Variants in CCDC92 observed in about 807,000 individuals in gnomAD.
CCDC92 encodes coiled-coil domain-containing protein 92.
In CCDC92, 12 loss-of-function variants were observed where a neutral mutation model predicts 24.9. That is an observed-to-expected ratio of 0.48 (90% CI 0.31 to 0.78). The LOEUF (loss-of-function observed/expected upper bound fraction) is 0.78. CCDC92 is among the 30% of genes least tolerant of loss of function. The pLI, the probability that CCDC92 is intolerant of heterozygous loss-of-function variation, is 0.05. For synonymous variants in CCDC92, 193 were observed against 196.3 expected (o/e 0.98, Z 0.14); for missense variants, 399 against 439.4 (o/e 0.91, Z 0.82).
chr12:123,970,792 T>G (rs970358898), intron 1 of CCDC92, among the ~76,000 whole-genome samples: 21 of 152,244 alleles, frequency 1.4e-4, no homozygotes, highest in Non-Finnish European at 8.8e-5. Flanking sequence ...TTCCATGACT[T>G]TTCTTGCCAG....
rs946234394 is a variant in CCDC92 at position 123,942,362 on chromosome 12, G to A, written c.223+382C>T. On this transcript the variant is annotated intron_variant, in intron 4 of 4. Transcript: ENST00000238156. ...GGCCCATGCTAGGCGGCAGCGACAC[G>A]GAGGAGCGGGGGCGGTTCTGCCCAA... Among the ~76,000 whole-genome samples the A allele has an allele frequency of 7.9e-5, 12 of 152,372 alleles. No individual in the cohort carries two copies. The South Asian group carries it at 1.0e-3, about 13-fold the overall frequency.
intron 1 of CCDC92, among the ~76,000 whole-genome samples, chr12:123,948,353 T>G (rs1955936144): frequency 6.6e-6 from 1 of 152,246 alleles, no homozygotes; most frequent in Non-Finnish European, 1.5e-5. Flanking sequence ...TTAGTAAGTA[T>G]TCATACTCTA....
chr12:123,964,055 A>G (rs1428090189), intron 1 of CCDC92, among the ~76,000 whole-genome samples: 5 of 152,230 alleles, frequency 3.3e-5, no homozygotes, highest in African/African-American at 9.6e-5. Flanking sequence ...TGTTTACAAG[A>G]GCCATAATTT....
At chr12:123,963,970 T>C (rs942867228) in intron 1 of CCDC92, among the ~76,000 whole-genome samples, 2 of 152,240 alleles carry the variant, frequency 1.3e-5, no homozygotes, top group Non-Finnish European at 2.9e-5. Flanking sequence ...TAATATTTTA[T>C]ATATACTAGC....
At chr12:123,963,958 C>T (rs1594507520) in intron 1 of CCDC92, among the ~76,000 whole-genome samples, 2 of 152,220 alleles carry the variant, frequency 1.3e-5, no homozygotes, top group Admixed American at 6.5e-5. Flanking sequence ...TGTCAAAACT[C>T]CTAATATTTT....
intron 1 of CCDC92, chr12:123,971,737 C>T (rs1956544641): frequency 6.6e-6 from 1 of 152,274 alleles, no homozygotes; most frequent in Non-Finnish European, 1.5e-5. Flanking sequence ...TAGAGAAACT[C>T]ACTCGCCGTA....
chr12:123,972,648 C>A lies in CCDC92; in HGVS notation c.-179G>T. 1 of 146,872 alleles carries A rather than the reference C, an allele frequency of 6.8e-6. No individual in the cohort carries two copies. Among genetic ancestry groups the A allele is most frequent in the South Asian group, 2.1e-4 (1 of 4,850 alleles). 9.1% of individuals were successfully genotyped at this position (146,872 alleles called of 1,614,324 possible). On this transcript the variant is annotated 5_prime_UTR_variant, in exon 1 of 5. The change creates a new upstream start codon in the 5' untranslated region. Coordinates refer to ENST00000238156, the MANE Select transcript of CCDC92 (RefSeq NM_025140.3). Reference sequence around the variant, plus strand: ...GGCGGGGCGCGGCGGGCGGGGCTGCCTGGGCTCGGGCGCTGCCCGGGCCGG... The same window carrying A: ...GGCGGGGCGCGGCGGGCGGGGCTGCATGGGCTCGGGCGCTGCCCGGGCCGG...
At chr12:123,961,647 G>A (rs182214554) in intron 1 of CCDC92, among the ~76,000 whole-genome samples, 4 of 152,274 alleles carry the variant, frequency 2.6e-5, no homozygotes, top group East Asian at 3.9e-4. Flanking sequence ...AGTTTAGTCC[G>A]GCAGGGACGA....
At chr12:123,946,377 C>T (rs191419499) in intron 1 of CCDC92, 1 of 152,700 alleles carries the variant, frequency 6.5e-6, no homozygotes, top group Non-Finnish European at 1.5e-5. Context: ...CATGGCTCCT[C>T]CTCTGCCCAG....
chr12:123,962,916 T>A (rs191227699), intron 1 of CCDC92: 16 of 152,320 alleles, frequency 1.1e-4, no homozygotes, highest in Middle Eastern at 6.8e-3. Flanking sequence ...TGAGGCAAAC[T>A]GTAAGCAGTC....
At chr12:123,939,442 G>A (rs1213712797) in intron 4 of CCDC92, among the ~76,000 whole-genome samples, 1 of 152,188 alleles carries the variant, frequency 6.6e-6, no homozygotes, top group Non-Finnish European at 1.5e-5. Context: ...ATGGGGTCAT[G>A]TCCCGAAAAA....
chr12:123,946,652 C>T (rs1955879041), intron 1 of CCDC92: 1 of 152,356 alleles, frequency 6.6e-6, no homozygotes. Flanking sequence ...CCTGGAGGCC[C>T]ACGAATGGGC....
At chr12:123,969,626 G>C (rs1956478035) in intron 1 of CCDC92, among the ~76,000 whole-genome samples, 1 of 151,796 alleles carries the variant, frequency 6.6e-6, no homozygotes, top group Non-Finnish European at 1.5e-5. Flanking sequence ...ACCACGACCA[G>C]CTAATTTTTG....
chr12:123,964,479 CAG>C (rs1371943257), intron 1 of CCDC92, among the ~76,000 whole-genome samples: 1 of 151,932 alleles, frequency 6.6e-6, no homozygotes, highest in Non-Finnish European at 1.5e-5. Context: ...AGCTTTGAGC[CAG>C]ACACTGTGGA....
intron 1 of CCDC92, among the ~76,000 whole-genome samples, chr12:123,971,242 G>C (rs12314727): frequency 6.6e-6 from 1 of 152,166 alleles, no homozygotes; most frequent in East Asian, 1.9e-4. Flanking sequence ...ACGCATACCC[G>C]TATATATAAT....
chr12:123,957,158 G>A (rs922859167), intron 1 of CCDC92, among the ~76,000 whole-genome samples: 2 of 152,188 alleles, frequency 1.3e-5, no homozygotes, highest in Non-Finnish European at 2.9e-5. Context: ...ATAAGCACCC[G>A]ATGTATCCAA....
At chr12:123,955,786 A>T (rs1390975645) in intron 1 of CCDC92, among the ~76,000 whole-genome samples, 1 of 152,146 alleles carries the variant, frequency 6.6e-6, no homozygotes, top group Non-Finnish European at 1.5e-5. Flanking sequence ...ACCTGGCTCT[A>T]TCCACTTTAA....
chr12:123,951,059 T>C (rs1956013297), intron 1 of CCDC92, among the ~76,000 whole-genome samples: 1 of 152,188 alleles, frequency 6.6e-6, no homozygotes, highest in Admixed American at 6.5e-5. Flanking sequence ...TTGCACACCT[T>C]GTTCCCTCTG....
At chr12:123,958,627 G>A (rs1370888506) in intron 1 of CCDC92, among the ~76,000 whole-genome samples, 1 of 152,228 alleles carries the variant, frequency 6.6e-6, no homozygotes, top group Non-Finnish European at 1.5e-5. Flanking sequence ...TGGCCCAAGT[G>A]TGGCCGCTTG....
Sources: gnomAD v4.1 joint callset for allele counts (sites outside exome capture counted in the v4.1 genomes callset) on GRCh38, gnomAD v4.1.1 for gene constraint, MANE v1.5 for transcripts, NCBI Gene and HGNC (gene_info 2026-07-23, HGNC 2026-07-21) for gene names.